Variants in PRRC2C observed in about 807,000 individuals in gnomAD.
The protein encoded by PRRC2C is proline rich coiled-coil 2C.
In PRRC2C, 72 loss-of-function variants were observed where a neutral mutation model predicts 317.2. The ratio of observed to expected loss-of-function variants is 0.23; its 90% confidence interval spans 0.19 to 0.28. The LOEUF (loss-of-function observed/expected upper bound fraction) is 0.28, where lower values mean the gene tolerates loss of function less well. Among genes scored for constraint, PRRC2C ranks in the 10% least tolerant of loss-of-function variants. PRRC2C has a pLI of 1.00. For synonymous variants in PRRC2C, 1,296 were observed against 1,205.9 expected (o/e 1.07, Z -1.55); for missense variants, 3,074 against 3,459.7 (o/e 0.89, Z 2.80).
intron 23 of PRRC2C, among the ~76,000 whole-genome samples, chr1:171,568,806 C>T (rs556461640): frequency 6.6e-6 from 1 of 151,556 alleles, no homozygotes; most frequent in South Asian, 2.1e-4. Context: ...GAAAAAATAC[C>T]AGCGTGTTAA....
At chr1:171,569,185 T>C (rs1684239152) in intron 23 of PRRC2C, among the ~76,000 whole-genome samples, 1 of 152,138 alleles carries the variant, frequency 6.6e-6, no homozygotes, top group South Asian at 2.1e-4. Context: ...CCTTCTGTAA[T>C]AAGTAAAGGC....
chr1:171,577,773 T>A (rs10659826), intron 26 of PRRC2C, 136 bp downstream of exon 26: 56,446 of 153,180 alleles, frequency 0.37, 828 homozygotes, highest in Middle Eastern at 0.65. Context: ...AAATTCGCAT[T>A]TTTTTTTTTT....
At chr1:171,589,983 CTTTT>C (rs750871044) in intron 34 of PRRC2C, among the ~76,000 whole-genome samples, 1 of 121,076 alleles carries the variant, frequency 8.3e-6, no homozygotes, top group Non-Finnish European at 1.8e-5. Context: ...CATTTTCTTT[CTTTT>C]TTTTTTTTTT....
chr1:171,550,252 G>T lies in PRRC2C; in HGVS notation c.5127+12G>T, dbSNP rs374531002. 139 of 1,549,034 alleles carry T rather than the reference G, an allele frequency of 9.0e-5. 1 individual carries two copies. In the East Asian group the frequency reaches 2.2e-3, roughly 24 times the overall value. On this transcript the variant is annotated intron_variant, in intron 18 of 34. Coordinates refer to ENST00000647382, the MANE Select transcript of PRRC2C (RefSeq NM_001387844.1). Reference sequence around the variant, plus strand: ...AACAAGTCATACAGGTTTAAATCTTGTTTCAACTTGTTGCTAGTTATCTAG... The same window carrying T: ...AACAAGTCATACAGGTTTAAATCTTTTTTCAACTTGTTGCTAGTTATCTAG...
chr1:171,511,686 G>C (rs1671421835), intron 1 of PRRC2C: 1 of 155,768 alleles, frequency 6.4e-6, no homozygotes, highest in African/African-American at 2.4e-5. Context: ...ATGTGCATAG[G>C]TTGATGTGTC....
At chr1:171,530,755 A>G (rs1249181536) in intron 11 of PRRC2C, among the ~76,000 whole-genome samples, 1 of 152,152 alleles carries the variant, frequency 6.6e-6, no homozygotes, top group Non-Finnish European at 1.5e-5. Flanking sequence ...TGATGACACC[A>G]TGTGTTGGCA....
intron 4 of PRRC2C, among the ~76,000 whole-genome samples, chr1:171,514,950 G>T (rs1038498963): frequency 6.6e-6 from 1 of 152,164 alleles, no homozygotes; most frequent in Non-Finnish European, 1.5e-5. Context: ...TCCAGCCATC[G>T]CATAGATTGT....
intron 18 of PRRC2C, among the ~76,000 whole-genome samples, 181 bp downstream of exon 18, chr1:171,550,421 A>G (rs1053673110): frequency 1.3e-5 from 2 of 152,076 alleles, no homozygotes; most frequent in African/African-American, 2.4e-5. Flanking sequence ...TAAATAAAAT[A>G]TAAGGACTGT....
Position 171,540,180 on chromosome 1 carries a change from C to T in PRRC2C, c.2714C>T (p.Thr905Ile), listed in dbSNP as rs753561366. Residue 905 changes from threonine (T) to isoleucine (I), a missense_variant, in exon 16 of 35, where the codon ACC (threonine) becomes ATC (isoleucine). Physicochemically the swap from Thr to Ile is moderately conservative, Grantham distance 89. Transcript: ENST00000647382. ...TGTTTTGAAGCACCTGATCAAAAGA[C>T]CTTATCCGCTCCTCAAGAGGAGCGG... ...SACFEAPDQK[T>I]LSAPQEERIS... 7 of 1,613,724 alleles carry T rather than the reference C, an allele frequency of 4.3e-6. No homozygotes were observed. In the Admixed American group the frequency reaches 1.0e-4, roughly 23 times the overall value.
chr1:171,555,336 C>T (rs1342310996), intron 18 of PRRC2C, among the ~76,000 whole-genome samples: 1 of 152,172 alleles, frequency 6.6e-6, no homozygotes, highest in Non-Finnish European at 1.5e-5. Context: ...GTCTTTTCTA[C>T]ACTGTTTATT....
intron 16 of PRRC2C, among the ~76,000 whole-genome samples, chr1:171,544,615 CAG>C (rs1420610120): frequency 6.6e-6 from 1 of 152,100 alleles, no homozygotes; most frequent in African/African-American, 2.4e-5. Context: ...TAACAATACT[CAG>C]GGAAAATTTT....
rs775022901 is a variant in PRRC2C, at chr1:171,540,249, C to G, written c.2783C>G (p.Ser928Cys). The G allele has an allele frequency of 1.2e-6, 2 of 1,613,748 alleles. No homozygotes were observed. The highest frequency in any genetic ancestry group is 2.7e-5 in the African/African-American group (2 of 74,880). ...ESQPSRKRSV[S>C]HGSNHTQKPD... Reference sequence around the variant, plus strand: ...CAGCCTTCCCGGAAAAGAAGTGTTTCCCATGGATCTAACCATACGCAAAAA... The same window carrying G: ...CAGCCTTCCCGGAAAAGAAGTGTTTGCCATGGATCTAACCATACGCAAAAA... The change falls in exon 16 of 35, where the codon TCC (serine) becomes TGC (cysteine). Residue 928 changes from serine (S) to cysteine (C), a missense_variant. Transcript: ENST00000647382.
At chr1:171,509,809 T>G (rs1670955977) in intron 1 of PRRC2C, 1 of 150,740 alleles carries the variant, frequency 6.6e-6, no homozygotes, top group Admixed American at 6.6e-5. Context: ...AGAAACATGG[T>G]TTCTCTAGAA....
rs774624341 is a variant in PRRC2C at position 171,527,775 on chromosome 1, T to G, written c.1201-16T>G. 6.4e-7 allele frequency: 1 copy of G among 1,555,130 alleles called. No individual in the cohort carries two copies. The highest frequency in any genetic ancestry group is 8.7e-7 in the Non-Finnish European group (1 of 1,146,276). On this transcript the variant is annotated splice_polypyrimidine_tract_variant and intron_variant, in intron 10 of 34. Transcript: ENST00000647382. ...TCTCCAAAATAATAAGAATAATTCT[T>G]TCTTCTTTATAATAGGAACGTGGAA...
chr1:171,544,947 A>G (rs1314206204), intron 16 of PRRC2C, among the ~76,000 whole-genome samples: 1 of 152,234 alleles, frequency 6.6e-6, no homozygotes, highest in Admixed American at 6.5e-5. Flanking sequence ...AAGAACTATT[A>G]AGAACTGTAG....
Position 171,514,583 on chromosome 1 carries a change from C to G in PRRC2C, c.338C>G (p.Pro113Arg), listed in dbSNP as rs1365959060. The G allele has an allele frequency of 6.4e-7, 1 of 1,561,082 alleles. No individual in the cohort carries two copies. Among genetic ancestry groups the G allele is most frequent in the South Asian group, 1.2e-5 (1 of 84,522 alleles). Residue 113 changes from proline (P) to arginine (R), a missense_variant, in exon 4 of 35, where the codon CCC (proline) becomes CGC (arginine). Transcript: ENST00000647382. ...PAQPKPGVAA[P>R]PEVAPAPKSW... ...CAGCCAAAACCTGGGGTTGCAGCTC[C>G]CCCAGAAGTAGCACCTGCTCCCAAA...
chr1:171,502,921 C>T (rs145282769), intron 1 of PRRC2C, among the ~76,000 whole-genome samples: 59 of 152,256 alleles, frequency 3.9e-4, no homozygotes, highest in African/African-American at 1.4e-3. Flanking sequence ...TGAGGTTTCA[C>T]CATGTTGGCA....
chr1:171,506,323 C>G (rs1670211310), intron 1 of PRRC2C, among the ~76,000 whole-genome samples: 1 of 152,166 alleles, frequency 6.6e-6, no homozygotes, highest in Non-Finnish European at 1.5e-5. Context: ...TGCTGTTATT[C>G]TGTTTCTCTG....
At chr1:171,504,847 A>G (rs892715459) in intron 1 of PRRC2C, among the ~76,000 whole-genome samples, 1 of 151,938 alleles carries the variant, frequency 6.6e-6, no homozygotes, top group Non-Finnish European at 1.5e-5. Flanking sequence ...TTTGTTGGGG[A>G]TTGCTTTGAA....
Sources: gnomAD v4.1 joint callset for allele counts (sites outside exome capture counted in the v4.1 genomes callset) on GRCh38, gnomAD v4.1.1 for gene constraint, MANE v1.5 for transcripts, NCBI Gene and HGNC (gene_info 2026-07-23, HGNC 2026-07-21) for gene names.